Variants in SP4 observed in about 807,000 individuals in gnomAD.
The protein encoded by SP4 is Sp4 transcription factor.
Under a neutral mutation model 72.8 loss-of-function variants are expected in SP4, and 19 were observed. The ratio of observed to expected loss-of-function variants is 0.26; its 90% CI spans 0.18 to 0.38. The LOEUF is 0.38. Among genes scored for constraint, SP4 ranks in the 10% least tolerant of loss-of-function variants. The probability of loss-of-function intolerance (pLI) is 1.00; values close to 1 mark genes in which losing one functional copy is unlikely to be tolerated. For missense variants in SP4, 1,008 were observed against 926.3 expected (o/e 1.09, Z -1.14); for synonymous variants, 395 against 333.1 (o/e 1.19, Z -2.02).
intron 5 of SP4, among the ~76,000 whole-genome samples, chr7:21,486,911 G>T (rs1215162583): frequency 6.6e-6 from 1 of 152,122 alleles, no homozygotes; most frequent in Non-Finnish European, 1.5e-5. Flanking sequence ...AGTTTGGGGG[G>T]CTTTTTTACA....
chr7:21,451,179 T>G (rs1042139300), intron 3 of SP4, among the ~76,000 whole-genome samples: 2 of 152,204 alleles, frequency 1.3e-5, no homozygotes, highest in Non-Finnish European at 2.9e-5. Context: ...AGTGCTCATA[T>G]ATCAGTTAAA....
Position 21,464,872 on chromosome 7 carries a change from A to G in SP4, c.1679-12207A>G, listed in dbSNP as rs569911535. Among the ~76,000 whole-genome samples, 220 of 152,382 alleles carry G rather than the reference A, an allele frequency of 1.4e-3. 2 individuals are homozygous for G. The highest frequency in any genetic ancestry group is 2.6e-3 in the Non-Finnish European group (180 of 68,034). ...ATTGTACATCTAAAGGACCGGAAGT[A>G]GCTTTAAAACTTTTTAAGACTATTT... On this transcript the variant is annotated intron_variant, in intron 3 of 5. Coordinates refer to ENST00000222584, the MANE Select transcript of SP4 (RefSeq NM_003112.5).
chr7:21,446,278 G>C (rs912479533), intron 3 of SP4, among the ~76,000 whole-genome samples: 1 of 152,080 alleles, frequency 6.6e-6, no homozygotes, highest in Non-Finnish European at 1.5e-5. Flanking sequence ...CAAAGAAAAC[G>C]TGATTGTTGA....
intron 5 of SP4, among the ~76,000 whole-genome samples, 195 bp downstream of exon 5, chr7:21,482,318 A>G (rs1784710607): frequency 6.6e-6 from 1 of 152,236 alleles, no homozygotes; most frequent in Non-Finnish European, 1.5e-5. Context: ...TACTTTTTGT[A>G]AACTTTATCA....
In SP4 at chr7:21,511,004, T is replaced by C. The variant is rs768125297; in HGVS notation, c.2108-18T>C. 6.3e-7 allele frequency: 1 copy of C among 1,587,168 alleles called. No homozygotes were observed. Among genetic ancestry groups the C allele is most frequent in the Non-Finnish European group, 8.6e-7 (1 of 1,165,442 alleles). On this transcript the variant is annotated intron_variant, in intron 5 of 5. Transcript: ENST00000222584. ...TAAGCAAAATGTGTATAACGCCATTTACTGTTTTTCTATGTAGGTGAAAAG... is the reference window on the plus strand; with the variant it reads ...TAAGCAAAATGTGTATAACGCCATTCACTGTTTTTCTATGTAGGTGAAAAG...
chr7:21,429,730 C>G lies in SP4; in HGVS notation c.565C>G (p.Leu189Val). The G allele has an allele frequency of 6.2e-7, 1 of 1,614,148 alleles. No homozygotes were observed. The highest frequency in any genetic ancestry group is 8.5e-7 in the Non-Finnish European group (1 of 1,180,028). ...AATCAATCCAACTAGTAGTTCATCTCTACAGGATTTGCAGGGTCAAATTCA... is the reference window on the plus strand; with the variant it reads ...AATCAATCCAACTAGTAGTTCATCTGTACAGGATTTGCAGGGTCAAATTCA... The part of the protein sequence containing the change: ...IQINPTSSSS[L>V]QDLQGQIQLI... Residue 189 changes from leucine to valine, a missense_variant, in exon 3 of 6, where the codon CTA becomes GTA. By Grantham distance (32) the Leu-to-Val change is conservative (BLOSUM62 1). This residue lies in a region of SP4 where 893 missense variants were observed against 743.3 expected (regional missense o/e 1.20). Coordinates refer to ENST00000222584, the MANE Select transcript of SP4 (RefSeq NM_003112.5).
intron 5 of SP4, among the ~76,000 whole-genome samples, chr7:21,508,200 A>G (rs955843082): frequency 6.6e-6 from 1 of 152,146 alleles, no homozygotes; most frequent in Non-Finnish European, 1.5e-5. Flanking sequence ...GTCCCACTCC[A>G]TGCAGGCACA....
chr7:21,428,203 C>CCCCCAA lies in SP4; in HGVS notation c.-49_-48insCCCCAA. On this transcript the variant is annotated 5_prime_UTR_variant, in exon 1 of 6. Coordinates refer to ENST00000222584, the MANE Select transcript of SP4 (RefSeq NM_003112.5). ...CTCCCGCCTCGCCCCCACCCCCACCCACCTCTATCCCAGTGTCTCCGTCTG... is the reference window on the plus strand; with the variant it reads ...CTCCCGCCTCGCCCCCACCCCCACCCCCCCAAACCTCTATCCCAGTGTCTCCGTCTG... 1 of 1,216,704 alleles carries CCCCCAA rather than the reference C, an allele frequency of 8.2e-7. No individual in the cohort carries two copies. Among genetic ancestry groups the CCCCCAA allele is most frequent in the Admixed American group, 2.1e-5 (1 of 48,076 alleles). 75.4% of individuals were successfully genotyped at this position (1,216,704 alleles called of 1,614,324 possible).
At chr7:21,488,403 T>C (rs1219741084) in intron 5 of SP4, among the ~76,000 whole-genome samples, 2 of 152,124 alleles carry the variant, frequency 1.3e-5, no homozygotes, top group African/African-American at 2.4e-5. Context: ...CTAGAACATA[T>C]TCTCTTCCTT....
At chr7:21,437,195 G>A (rs888877994) in intron 3 of SP4, among the ~76,000 whole-genome samples, 5 of 152,122 alleles carry the variant, frequency 3.3e-5, no homozygotes, top group African/African-American at 1.2e-4. Flanking sequence ...ACCGTCCTTA[G>A]CAAAGTCCTT....
chr7:21,434,449 T>G (rs1487676453), intron 3 of SP4, among the ~76,000 whole-genome samples: 13 of 152,196 alleles, frequency 8.5e-5, no homozygotes, highest in Admixed American at 7.9e-4. Context: ...TAACAACGTG[T>G]TCAGTATAAT....
At chr7:21,496,528 G>A (rs1205507259) in intron 5 of SP4, among the ~76,000 whole-genome samples, 1 of 152,080 alleles carries the variant, frequency 6.6e-6, no homozygotes, top group Non-Finnish European at 1.5e-5. Context: ...TGTCTTCCAA[G>A]GCTCTAAATG....
At chr7:21,458,570 A>ATC (rs1783853947) in intron 3 of SP4, among the ~76,000 whole-genome samples, 1 of 152,148 alleles carries the variant, frequency 6.6e-6, no homozygotes, top group Non-Finnish European at 1.5e-5. Flanking sequence ...CTGTGTTCTC[A>ATC]TCTCTTCTCC....
At chr7:21,509,187 G>T (rs540989512) in intron 5 of SP4, among the ~76,000 whole-genome samples, 117 of 152,152 alleles carry the variant, frequency 7.7e-4, no homozygotes, top group Non-Finnish European at 1.5e-3. Flanking sequence ...TAATAGTTCA[G>T]AAGTTTCTCC....
chr7:21,483,965 C>A (rs192846978), intron 5 of SP4, among the ~76,000 whole-genome samples: 1,966 of 151,892 alleles, frequency 0.013, 48 homozygotes, highest in African/African-American at 0.044. Flanking sequence ...ACTGACATTT[C>A]TAAATCAGCT....
rs182723753 is a variant in SP4, at chr7:21,460,645, C to A, written c.1679-16434C>A. Reference sequence around the variant, plus strand: ...GCTGATTGGCCCATTTTACAGAGAGCCGATTGGTCTGTTTTACAGAGCGCT... The same window carrying A: ...GCTGATTGGCCCATTTTACAGAGAGACGATTGGTCTGTTTTACAGAGCGCT... On this transcript the variant is annotated intron_variant, in intron 3 of 5. Transcript: ENST00000222584. 1.4e-3 allele frequency among the ~76,000 whole-genome samples: 213 copies of A among 152,274 alleles called. No individual in the cohort carries two copies. The Middle Eastern group carries it at 0.051, about 36-fold the overall frequency.
Position 21,482,033 on chromosome 7 carries a change from G to A in SP4, c.2017G>A (p.Gly673Arg). Residue 673 changes from glycine to arginine, a missense_variant, in exon 5 of 6, where the codon GGA becomes AGA. This residue lies in a region of SP4 where 48 missense variants were observed against 117.0 expected (regional missense o/e 0.41). Transcript: ENST00000222584. ...HLRAHLRWHT[G>R]ERPFICNWMF... ...ACGAGCACATCTTCGCTGGCATACT[G>A]GAGAAAGACCTTTTATATGCAACTG... 6.2e-7 allele frequency: 1 copy of A among 1,613,920 alleles called. No individual in the cohort carries two copies.
At chr7:21,462,087 G>A (rs945953878) in intron 3 of SP4, among the ~76,000 whole-genome samples, 3 of 147,342 alleles carry the variant, frequency 2.0e-5, no homozygotes, top group Non-Finnish European at 4.5e-5. Flanking sequence ...GTGCAGTGGT[G>A]TGATCTTGGC....
chr7:21,464,388 G>A (rs546406292), intron 3 of SP4, among the ~76,000 whole-genome samples: 1 of 152,072 alleles, frequency 6.6e-6, no homozygotes, highest in South Asian at 2.1e-4. Flanking sequence ...GAGCCACTGC[G>A]CCCGGCCAGT....
Sources: gnomAD v4.1 joint callset for allele counts (sites outside exome capture counted in the v4.1 genomes callset) on GRCh38, gnomAD v4.1.1 for gene constraint, gnomAD v4.1.1 regional missense constraint, MANE v1.5 for transcripts, NCBI Gene and HGNC (gene_info 2026-07-23, HGNC 2026-07-21) for gene names.